Variants in KCNH5 observed in about 807,000 individuals in gnomAD.
The protein encoded by KCNH5 is voltage-gated delayed rectifier potassium channel KCNH5.
KCNH5 carries 46 observed loss-of-function variants against 96.1 expected under a neutral mutation model. The observed-to-expected ratio is 0.48, with a 90% CI of 0.38 to 0.61. The LOEUF is 0.61. Ranked by LOEUF, KCNH5 falls within the 20% of genes least tolerant of loss-of-function variation. The pLI, the probability that KCNH5 is intolerant of heterozygous loss-of-function variation, is 0.00. For synonymous variants in KCNH5, 439 were observed against 449.8 expected (o/e 0.98, Z 0.30); for missense variants, 907 against 1,225.8 (o/e 0.74, Z 3.88).
At chr14:62,756,142 C>T (rs192890141) in intron 10 of KCNH5, among the ~76,000 whole-genome samples, 1 of 151,898 alleles carries the variant, frequency 6.6e-6, no homozygotes, top group East Asian at 1.9e-4. Context: ...AAATCAGTAG[C>T]ATTTTTATAT....
chr14:62,766,842 T>C (rs1288116948), intron 10 of KCNH5, among the ~76,000 whole-genome samples: 1 of 152,134 alleles, frequency 6.6e-6, no homozygotes, highest in Non-Finnish European at 1.5e-5. Context: ...ACTGGATTGT[T>C]TGCAACACAA....
At chr14:62,888,866 G>A (rs919904090) in intron 7 of KCNH5, among the ~76,000 whole-genome samples, 1 of 152,096 alleles carries the variant, frequency 6.6e-6, no homozygotes, top group Non-Finnish European at 1.5e-5. Context: ...AGAGAATTTA[G>A]ACAAATAAGT....
chr14:62,839,201 CTG>C (rs1432690093), intron 8 of KCNH5, among the ~76,000 whole-genome samples: 1 of 152,132 alleles, frequency 6.6e-6, no homozygotes, highest in African/African-American at 2.4e-5. Context: ...CAATATACTT[CTG>C]TAAGTCGTAG....
intron 6 of KCNH5, among the ~76,000 whole-genome samples, chr14:62,976,920 T>C (rs1594655268): frequency 6.6e-6 from 1 of 152,220 alleles, no homozygotes. Flanking sequence ...TTTAGATAAT[T>C]GTCAGAGAAC....
intron 8 of KCNH5, among the ~76,000 whole-genome samples, chr14:62,835,407 C>T (rs1396685602): frequency 6.6e-6 from 1 of 151,916 alleles, no homozygotes; most frequent in Non-Finnish European, 1.5e-5. Context: ...CTGCTTTTGT[C>T]TCTTATAGGA....
intron 8 of KCNH5, among the ~76,000 whole-genome samples, chr14:62,814,785 A>AAAAT (rs1566669180): frequency 7.8e-6 from 1 of 128,886 alleles, no homozygotes; most frequent in East Asian, 2.1e-4. Flanking sequence ...TCCATCTCAA[A>AAAAT]AAAAAAAAAA....
chr14:62,952,695 C>G (rs964816948), intron 6 of KCNH5, among the ~76,000 whole-genome samples: 22 of 152,024 alleles, frequency 1.4e-4, no homozygotes, highest in African/African-American at 5.1e-4. Flanking sequence ...GAAGGAAAAA[C>G]AGAGAGAAAA....
At chr14:62,763,976 T>A (rs767973656) in intron 10 of KCNH5, among the ~76,000 whole-genome samples, 3 of 151,824 alleles carry the variant, frequency 2.0e-5, no homozygotes, top group Non-Finnish European at 2.9e-5. Context: ...CTGGTACCAA[T>A]ACTATTCCAA....
chr14:62,722,190 C>T (rs1220736720), intron 10 of KCNH5, among the ~76,000 whole-genome samples: 4 of 152,122 alleles, frequency 2.6e-5, no homozygotes, highest in Non-Finnish European at 4.4e-5. Context: ...AATACAGCAC[C>T]CAGTACTTGC....
chr14:62,933,923 C>A (rs1889627392), intron 7 of KCNH5, among the ~76,000 whole-genome samples: 1 of 152,102 alleles, frequency 6.6e-6, no homozygotes. Flanking sequence ...TCCGGTTTAT[C>A]TCAGCTCTGT....
At chr14:62,970,406 A>G (rs1890384809) in intron 6 of KCNH5, among the ~76,000 whole-genome samples, 1 of 152,190 alleles carries the variant, frequency 6.6e-6, no homozygotes, top group South Asian at 2.1e-4. Flanking sequence ...TTTATCAAAC[A>G]TTTAAGGAAT....
chr14:62,764,082 C>T (rs1207205684), intron 10 of KCNH5, among the ~76,000 whole-genome samples: 9 of 152,114 alleles, frequency 5.9e-5, no homozygotes. Flanking sequence ...ATAATGAAAA[C>T]TGCAGGCCAA....
At chr14:62,861,607 A>G (rs923494396) in intron 7 of KCNH5, among the ~76,000 whole-genome samples, 43 of 151,064 alleles carry the variant, frequency 2.8e-4, no homozygotes, top group Non-Finnish European at 1.8e-4. Flanking sequence ...TAAGTTAGGA[A>G]AAGGCACATT....
At chr14:62,813,682 GTTAA>G (rs1177923299) in intron 8 of KCNH5, among the ~76,000 whole-genome samples, 1 of 152,154 alleles carries the variant, frequency 6.6e-6, no homozygotes, top group Non-Finnish European at 1.5e-5. Context: ...GTTATGCACT[GTTAA>G]TTAATCTCTC....
At chr14:62,884,379 C>T (rs1423504143) in intron 7 of KCNH5, among the ~76,000 whole-genome samples, 1 of 152,222 alleles carries the variant, frequency 6.6e-6, no homozygotes, top group Non-Finnish European at 1.5e-5. Context: ...AATCCCAGCA[C>T]TCTGGGAGGC....
intron 10 of KCNH5, among the ~76,000 whole-genome samples, chr14:62,747,576 C>T (rs1411857450): frequency 1.3e-5 from 2 of 151,834 alleles, no homozygotes; most frequent in African/African-American, 2.4e-5. Flanking sequence ...TCAGGATGAG[C>T]TTAGAACCTG....
intron 7 of KCNH5, among the ~76,000 whole-genome samples, chr14:62,869,253 A>G (rs910366643): frequency 4.6e-5 from 7 of 152,102 alleles, no homozygotes; most frequent in Admixed American, 1.3e-4. Context: ...ATGGTATCTC[A>G]TTGTGGTTTT....
intron 7 of KCNH5, among the ~76,000 whole-genome samples, chr14:62,911,641 G>T (rs1369317884): frequency 6.6e-6 from 1 of 151,406 alleles, no homozygotes; most frequent in Non-Finnish European, 1.5e-5. Flanking sequence ...AATTAGAGAA[G>T]TGGGTCAATA....
chr14:62,826,447 C>T (rs1887229375), intron 8 of KCNH5, among the ~76,000 whole-genome samples: 1 of 110,336 alleles, frequency 9.1e-6, no homozygotes, highest in Non-Finnish European at 1.9e-5. Flanking sequence ...TGTGTGTCAG[C>T]ATTTTCAAGG....
Sources: gnomAD v4.1 joint callset for allele counts (sites outside exome capture counted in the v4.1 genomes callset) on GRCh38, gnomAD v4.1.1 for gene constraint, MANE v1.5 for transcripts, NCBI Gene and HGNC (gene_info 2026-07-23, HGNC 2026-07-21) for gene names.